The following CCDC61 variants were observed in gnomAD, a reference collection of about 807,000 sequenced individuals.
CCDC61 encodes the protein coiled-coil domain containing 61, also known as centrosomal protein CCDC61.
Under a neutral mutation model 63.0 loss-of-function variants are expected in CCDC61, and 55 were observed. The ratio of observed to expected loss-of-function variants is 0.87; its 90% CI spans 0.70 to 1.09. The LOEUF (loss-of-function observed/expected upper bound fraction) is 1.09. Ranked by LOEUF, CCDC61 falls within the 50% of genes least tolerant of loss-of-function variation. The probability of loss-of-function intolerance (pLI) is 0.00; values close to 1 mark genes in which losing one functional copy is unlikely to be tolerated. For missense variants in CCDC61, 651 were observed against 731.4 expected (o/e 0.89, Z 1.27); for synonymous variants, 270 against 317.0 (o/e 0.85, Z 1.58).
intron 4 of CCDC61, 39 bp from the exon 5 acceptor site, chr19:46,008,100 TG>T: frequency 6.4e-7 from 1 of 1,556,950 alleles, no homozygotes; most frequent in Admixed American, 2.0e-5. Flanking sequence ...GGTGCATTCT[TG>T]GCCTCTGAGA....
chr19:46,012,271 T>C (rs1355655301), intron 5 of CCDC61, among the ~76,000 whole-genome samples: 2 of 152,192 alleles, frequency 1.3e-5, no homozygotes, highest in Non-Finnish European at 2.9e-5. Flanking sequence ...TGAAAAATAA[T>C]ATACTCCAAA....
chr19:46,003,927 T>G (rs1968645766), intron 3 of CCDC61, among the ~76,000 whole-genome samples: 1 of 151,804 alleles, frequency 6.6e-6, no homozygotes, highest in Non-Finnish European at 1.5e-5. Flanking sequence ...GCAACCTGCT[T>G]TTTTTGGTTT....
rs1390313863 is a variant in CCDC61 at position 46,008,292 on chromosome 19, T to C, written c.542T>C (p.Leu181Pro). ...ACCCGGGAGAATGAGATCTGGCATC[T>C]GCGGGAGCAGTGAGTCTTGGAGGGG... ...RDTRENEIWH[L>P]REQVSRLASE... is the part of the protein sequence containing the mutation. The change falls in exon 5 of 14, where the codon CTG (leucine) becomes CCG (proline). Residue 181 changes from leucine to proline, a missense_variant. By Grantham distance (98) the Leu-to-Pro change is moderately conservative. Transcript: ENST00000595358. The C allele has an allele frequency of 1.4e-6, 2 of 1,395,808 alleles. No homozygotes were observed. Among genetic ancestry groups the C allele is most frequent in the Admixed American group, 1.8e-5 (1 of 55,836 alleles). The allele number at this position is 1,395,808 out of a possible 1,614,324, so 86.5% of individuals were successfully genotyped here. A position where few individuals can be genotyped will look rare whatever the true frequency, so the allele number is the denominator to read the frequency against.
At chr19:46,006,098 C>T (rs1968703564) in intron 3 of CCDC61, among the ~76,000 whole-genome samples, 1 of 152,206 alleles carries the variant, frequency 6.6e-6, no homozygotes, top group Non-Finnish European at 1.5e-5. Context: ...CCCACTGAGA[C>T]TGGGGAGATA....
chr19:46,006,386 C>T (rs766429678), intron 3 of CCDC61, among the ~76,000 whole-genome samples, 173 bp from the exon 4 acceptor site: 2 of 152,232 alleles, frequency 1.3e-5, no homozygotes, highest in African/African-American at 2.4e-5. Flanking sequence ...TTTCTTCCTT[C>T]GATGAAGTCC....
rs767422363 is a variant in CCDC61 at position 46,008,127 on chromosome 19, C to G, written c.390-13C>G. On this transcript the variant is annotated splice_polypyrimidine_tract_variant and intron_variant, in intron 4 of 13. Transcript: ENST00000595358. ...GCCTCTGAGATGCCACGGTTTTAAT[C>G]CTCCCTCCTCAGGATTCACTACCCG... The G allele has an allele frequency of 6.3e-7, 1 of 1,595,374 alleles. No individual in the cohort carries two copies. The highest frequency in any genetic ancestry group is 8.5e-7 in the Non-Finnish European group (1 of 1,170,670).
Position 46,015,245 on chromosome 19 carries a change from C to A in CCDC61, c.748C>A (p.Arg250Ser). 1 of 1,410,746 alleles carries A rather than the reference C, an allele frequency of 7.1e-7. No homozygotes were observed. The highest frequency in any genetic ancestry group is 9.2e-7 in the Non-Finnish European group (1 of 1,088,596). The allele number at this position is 1,410,746 out of a possible 1,614,324, so 87.4% of individuals were successfully genotyped here. The part of the protein sequence containing the change: ...VAGRRGQDCR[R>S]LAKELEEAKA... ...CGGCCGTCGCGGCCAGGACTGCCGC[C>A]GTCTGGCCAAGGAGGTGAGCAGCGG... The change falls in exon 6 of 14, where the codon CGT (arginine) becomes AGT (serine). Residue 250 changes from arginine (R) to serine (S), a missense_variant. Transcript: ENST00000595358. This position sits in a 1 kb window ranked among gnomAD's most constrained non-coding sequence, Gnocchi z 5.3.
Position 46,003,512 on chromosome 19 carries a change from G to T in CCDC61, c.231+11G>T. The T allele has an allele frequency of 6.3e-7, 1 of 1,597,412 alleles. No individual in the cohort carries two copies. Among genetic ancestry groups the T allele is most frequent in the South Asian group, 1.1e-5 (1 of 90,008 alleles). The stretch of plus-strand genomic sequence containing the variant: ...TCAGCCCTCACTCAGGTAGGGCCCG[G>T]GTTGGCGGGTTGGGGTGGGAGGGGG... On this transcript the variant is annotated intron_variant, in intron 3 of 13. Transcript: ENST00000595358.
At chr19:45,999,929 C>A in intron 1 of CCDC61, 1 of 747,932 alleles carries the variant, frequency 1.3e-6, no homozygotes, top group Non-Finnish European at 1.6e-6. Context: ...TCGAAGGCAC[C>A]GCTGGGATGC....
At chr19:46,003,337 G>T in intron 2 of CCDC61, 82 bp from the exon 3 acceptor site, 1 of 1,465,596 alleles carries the variant, frequency 6.8e-7, no homozygotes. Context: ...ACTGGAGTCG[G>T]GTAGAATTGC....
rs890409084 is a variant in CCDC61 at position 46,014,974 on chromosome 19, G to A, written c.552-75G>A. Reference sequence around the variant, plus strand: ...CCCTTCCGGGGAGGTGAAATGATGAGGCGTCCCACCCCCATGGAGTAGTGG... The same window carrying A: ...CCCTTCCGGGGAGGTGAAATGATGAAGCGTCCCACCCCCATGGAGTAGTGG... On this transcript the variant is annotated intron_variant, in intron 5 of 13. Coordinates refer to ENST00000595358, the MANE Select transcript of CCDC61 (RefSeq NM_001267723.2). 64 of 1,273,750 alleles carry A rather than the reference G, an allele frequency of 5.0e-5. 1 individual carries two copies. In the African/African-American group the frequency reaches 9.2e-4, roughly 18 times the overall value. The allele number at this position is 1,273,750 out of a possible 1,614,324, so 78.9% of individuals were successfully genotyped here. A position where few individuals can be genotyped will look rare whatever the true frequency, so the allele number is the denominator to read the frequency against.
chr19:46,016,967 G>C lies in CCDC61; in HGVS notation c.1232-24G>C, dbSNP rs368392086. 1.2e-6 allele frequency: 2 copies of C among 1,600,186 alleles called. No individual in the cohort carries two copies. Among genetic ancestry groups the C allele is most frequent in the African/African-American group, 2.7e-5 (2 of 74,638 alleles). ...TGGGCGGGGCCAGCGAGGGCCAGCG[G>C]TCACGCCCTCCGTCTCCCTCTAGTG... is the stretch of plus-strand genomic sequence containing the variant. On this transcript the variant is annotated intron_variant, in intron 10 of 13. Coordinates refer to ENST00000595358, the MANE Select transcript of CCDC61 (RefSeq NM_001267723.2). The surrounding 1 kb of genome is among the most constrained non-coding windows in gnomAD (Gnocchi z 7.2).
chr19:46,006,050 G>A (rs1275730347), intron 3 of CCDC61, among the ~76,000 whole-genome samples: 1 of 152,060 alleles, frequency 6.6e-6, no homozygotes. Context: ...TGGTTGATTT[G>A]CTTATTTACT....
At chr19:46,010,785 C>T (rs1012583732) in intron 5 of CCDC61, among the ~76,000 whole-genome samples, 2 of 152,192 alleles carry the variant, frequency 1.3e-5, no homozygotes, top group Admixed American at 6.5e-5. Context: ...GTACTGCCAC[C>T]CCCTGCCCTG....
In CCDC61 at chr19:46,003,521, G is replaced by GT; in HGVS notation, c.231+22dup. 8.8e-7 allele frequency: 1 copy of GT among 1,130,890 alleles called. No individual in the cohort carries two copies. Among genetic ancestry groups the GT allele is most frequent in the Non-Finnish European group, 1.3e-6 (1 of 764,558 alleles). The allele number at this position is 1,130,890 out of a possible 1,614,324, so 70.1% of individuals were successfully genotyped here. A position where few individuals can be genotyped will look rare whatever the true frequency, so the allele number is the denominator to read the frequency against. On this transcript the variant is annotated intron_variant, in intron 3 of 13. Transcript: ENST00000595358. ...ACTCAGGTAGGGCCCGGGTTGGCGG[G>GT]TTGGGGTGGGAGGGGGGTTCTGTCT...
At chr19:46,001,138 G>A (rs1968583897) in intron 1 of CCDC61, among the ~76,000 whole-genome samples, 1 of 152,136 alleles carries the variant, frequency 6.6e-6, no homozygotes, top group African/African-American at 2.4e-5. Flanking sequence ...CCAGTGGGGC[G>A]GGGCCAGTGC....
chr19:46,003,307 T>C (rs1968628483), intron 2 of CCDC61, 112 bp from the exon 3 acceptor site: 1 of 1,427,720 alleles, frequency 7.0e-7, no homozygotes, highest in Non-Finnish European at 9.6e-7. Flanking sequence ...GGTGTAGGTC[T>C]TGTTGCTCAA....
Position 46,018,319 on chromosome 19 carries a change from A to AT in CCDC61, c.1472dup (p.Met491IlefsTer71), listed in dbSNP as rs1568699648. 6.4e-7 allele frequency: 1 copy of AT among 1,574,614 alleles called. No individual in the cohort carries two copies. The highest frequency in any genetic ancestry group is 8.6e-7 in the Non-Finnish European group (1 of 1,160,580). ...CAGCTCGGAGCACCAGGCGGCTGAC[A>AT]TGGCCGAAATAGACGCACGCCTGAA... On this transcript the variant is annotated frameshift_variant, in exon 14 of 14. Transcript: ENST00000595358. LOFTEE classifies it high-confidence loss of function. The surrounding 1 kb of genome is among the most constrained non-coding windows in gnomAD (Gnocchi z 4.2).
intron 1 of CCDC61, among the ~76,000 whole-genome samples, chr19:45,997,128 T>C (rs184514829): frequency 6.6e-6 from 1 of 152,250 alleles, no homozygotes; most frequent in East Asian, 1.9e-4. Flanking sequence ...AGCGAACACA[T>C]TGCCATCTCA....
Sources: allele counts gnomAD v4.1 joint callset (sites outside exome capture counted in the v4.1 genomes callset), GRCh38; gene constraint gnomAD v4.1.1; non-coding constraint Gnocchi (gnomAD v3.1); transcripts MANE v1.5; gene names NCBI Gene and HGNC (gene_info 2026-07-23, HGNC 2026-07-21).